DTNA: variants seen among roughly 807,000 people sequenced by gnomAD.
DTNA encodes the protein dystrophin-related protein 3.
DTNA carries 43 observed loss-of-function variants against 100.7 expected under a neutral mutation model. The ratio of observed to expected loss-of-function variants is 0.43; its 90% CI spans 0.33 to 0.55. The LOEUF (loss-of-function observed/expected upper bound fraction) is 0.55, where lower values mean the gene tolerates loss of function less well. Among genes scored for constraint, DTNA ranks in the 20% least tolerant of loss-of-function variants. The pLI is 0.04. For missense variants in DTNA, 798 were observed against 953.9 expected, an observed-to-expected ratio of 0.84 and a Z score of 2.15; for synonymous variants, 349 against 347.9, an observed-to-expected ratio of 1.00 and a Z score of -0.04.
chr18:34,771,054 C>T (rs2148604429), intron 3 of DTNA, among the ~76,000 whole-genome samples: 1 of 152,284 alleles, frequency 6.6e-6, no homozygotes, highest in Non-Finnish European at 1.5e-5. Context: ...GGTAGACCAG[C>T]ATTTTCTTAA....
chr18:34,636,986 T>C (rs2058734890), intron 1 of DTNA, among the ~76,000 whole-genome samples: 1 of 152,200 alleles, frequency 6.6e-6, no homozygotes, highest in Non-Finnish European at 1.5e-5. Context: ...CCAGGGTATT[T>C]CTTCTGAAAG....
intron 1 of DTNA, among the ~76,000 whole-genome samples, chr18:34,641,517 C>A (rs2059276429): frequency 6.6e-6 from 1 of 152,182 alleles, no homozygotes; most frequent in African/African-American, 2.4e-5. Flanking sequence ...AAATATTTGA[C>A]AACAATCATA....
chr18:34,566,320 T>C (rs2047082639), intron 1 of DTNA, among the ~76,000 whole-genome samples: 1 of 151,832 alleles, frequency 6.6e-6, no homozygotes, highest in Non-Finnish European at 1.5e-5. Context: ...TAGGTTAAGC[T>C]GATTAAGTAG....
chr18:34,694,699 G>T (rs1002098625), intron 1 of DTNA, among the ~76,000 whole-genome samples: 2 of 151,852 alleles, frequency 1.3e-5, no homozygotes, highest in African/African-American at 4.8e-5. Context: ...TTATGAACGG[G>T]TTTTTATTAT....
chr18:34,719,278 A>G (rs1480762089), intron 1 of DTNA, among the ~76,000 whole-genome samples: 1 of 152,148 alleles, frequency 6.6e-6, no homozygotes, highest in Non-Finnish European at 1.5e-5. Flanking sequence ...AGGGAGGTGA[A>G]GGTTGCAGTG....
chr18:34,517,459 A>ATGTGTGTG (rs1186696012), intron 1 of DTNA, among the ~76,000 whole-genome samples: 1 of 26,980 alleles, frequency 3.7e-5, no homozygotes. Context: ...TTTTATATAC[A>ATGTGTGTG]CGTGTGTGTG....
At chr18:34,583,411 G>A (rs1034661479) in intron 1 of DTNA, among the ~76,000 whole-genome samples, 1 of 152,044 alleles carries the variant, frequency 6.6e-6, no homozygotes, top group Non-Finnish European at 1.5e-5. Flanking sequence ...CCTTTATAAG[G>A]CAGTGCTAAA....
At chr18:34,561,695 TTTTTATCG>T (rs2046650337) in intron 1 of DTNA, among the ~76,000 whole-genome samples, 2 of 152,234 alleles carry the variant, frequency 1.3e-5, no homozygotes, top group South Asian at 4.1e-4. Context: ...GAATAATCAA[TTTTTATCG>T]TACCTCATAA....
intron 1 of DTNA, among the ~76,000 whole-genome samples, chr18:34,737,020 G>A (rs893935530): frequency 1.6e-4 from 25 of 152,144 alleles, no homozygotes; most frequent in African/African-American, 6.0e-4. Flanking sequence ...TTCAAAACCA[G>A]GGAGTAGTGA....
intron 4 of DTNA, 85 bp downstream of exon 4, chr18:34,794,335 A>G (rs955286544): frequency 7.6e-6 from 11 of 1,456,628 alleles, no homozygotes; most frequent in Non-Finnish European, 6.7e-6. Flanking sequence ...AAACAATTTT[A>G]TATCTCTCTC....
chr18:34,776,145 C>T (rs968876285), intron 3 of DTNA, among the ~76,000 whole-genome samples: 3 of 152,044 alleles, frequency 2.0e-5, no homozygotes, highest in Non-Finnish European at 2.9e-5. Context: ...CGCTATTTAC[C>T]GAAAACTTTT....
At position 34,525,286 on chromosome 18, in the gene DTNA, GGAAAATATGCT is replaced by G. The variant is rs1463087920; in HGVS notation, c.-2+31776_-2+31786del. 8.5e-5 allele frequency among the ~76,000 whole-genome samples: 13 copies of G among 152,188 alleles called. No homozygotes were observed. In the East Asian group the frequency reaches 2.5e-3, roughly 30 times the overall value. The stretch of plus-strand genomic sequence containing the variant: ...ATTGCTTCTGGCCTCCAAAATCAGG[GGAAAATATGCT>G]GAACAACCAGGGCAGAGGTGCCATT... On this transcript the variant is annotated intron_variant, in intron 1 of 19. Coordinates refer to the DTNA transcript ENST00000283365.
chr18:34,602,892 A>C (rs1184196823), intron 1 of DTNA, among the ~76,000 whole-genome samples: 2 of 151,950 alleles, frequency 1.3e-5, no homozygotes, highest in African/African-American at 2.4e-5. Flanking sequence ...AATGCTAGCT[A>C]CTGAGGAGAC....
intron 11 of DTNA, among the ~76,000 whole-genome samples, chr18:34,837,710 A>T (rs1335837130): frequency 1.3e-5 from 2 of 152,202 alleles, no homozygotes; most frequent in African/African-American, 2.4e-5. Flanking sequence ...AAGTTGGAGG[A>T]TGTAGGGAAG....
intron 15 of DTNA, among the ~76,000 whole-genome samples, chr18:34,855,310 C>T (rs552082818): frequency 6.6e-6 from 1 of 152,180 alleles, no homozygotes; most frequent in East Asian, 1.9e-4. Context: ...ATGTTTATGG[C>T]AAAATAATCA....
At chr18:34,817,140 C>T (rs2095614128) in intron 7 of DTNA, among the ~76,000 whole-genome samples, 1 of 152,164 alleles carries the variant, frequency 6.6e-6, no homozygotes, top group Non-Finnish European at 1.5e-5. Flanking sequence ...TAGGCACCAT[C>T]CCAGAACAGT....
intron 6 of DTNA, among the ~76,000 whole-genome samples, chr18:34,815,429 T>C (rs1284697094): frequency 6.6e-6 from 1 of 152,216 alleles, no homozygotes; most frequent in Non-Finnish European, 1.5e-5. Context: ...CCTGCTCTTG[T>C]ATAACAGAAC....
intron 1 of DTNA, among the ~76,000 whole-genome samples, chr18:34,730,718 G>A (rs1170309569): frequency 1.3e-5 from 2 of 152,138 alleles, no homozygotes; most frequent in East Asian, 3.9e-4. Flanking sequence ...GAATACTGGA[G>A]TTACTGTCCC....
At chr18:34,847,211 T>G (rs903217002) in intron 13 of DTNA, among the ~76,000 whole-genome samples, 8 of 152,194 alleles carry the variant, frequency 5.3e-5, no homozygotes, top group African/African-American at 1.7e-4. Flanking sequence ...TAGTAACGCT[T>G]CTATTTGCAT....
Sources: allele counts gnomAD v4.1 joint callset (sites outside exome capture counted in the v4.1 genomes callset), GRCh38; gene constraint gnomAD v4.1.1; transcripts MANE v1.5; gene names NCBI Gene and HGNC (gene_info 2026-07-23, HGNC 2026-07-21).